The following NKAIN2 variants were observed in gnomAD, a reference collection of about 807,000 sequenced individuals.
The protein encoded by NKAIN2 is sodium/potassium-transporting ATPase subunit beta-1-interacting protein 2.
NKAIN2 carries 14 observed loss-of-function variants against 32.6 expected under a neutral mutation model. That is an observed-to-expected ratio of 0.43 (90% confidence interval 0.28 to 0.67). The LOEUF (loss-of-function observed/expected upper bound fraction) is 0.67, where lower values mean the gene tolerates loss of function less well. NKAIN2 is among the 30% of genes least tolerant of loss of function. The pLI, the probability that NKAIN2 is intolerant of heterozygous loss-of-function variation, is 0.17. For synonymous variants in NKAIN2, 80 were observed against 87.2 expected (o/e 0.92, Z 0.46); for missense variants, 198 against 258.3 (o/e 0.77, Z 1.60).
chr6:123,931,626 A>AT (rs201361587), intron 1 of NKAIN2, among the ~76,000 whole-genome samples: 6 of 151,854 alleles, frequency 4.0e-5, no homozygotes, highest in African/African-American at 1.2e-4. Context: ...ATGCTTCATC[A>AT]TTTTTTTTCT....
chr6:124,477,435 C>T (rs573475908), intron 3 of NKAIN2, among the ~76,000 whole-genome samples: 5 of 152,218 alleles, frequency 3.3e-5, no homozygotes, highest in South Asian at 2.1e-4. Flanking sequence ...TGCCTCTTCA[C>T]GTCCTCTTAG....
intron 1 of NKAIN2, among the ~76,000 whole-genome samples, chr6:123,918,947 GAA>G (rs1412724468): frequency 6.6e-6 from 1 of 151,944 alleles, no homozygotes; most frequent in East Asian, 1.9e-4. Context: ...TTGAGCAATT[GAA>G]ATTCTGCTAG....
chr6:124,312,206 G>A (rs566246251), intron 2 of NKAIN2, among the ~76,000 whole-genome samples: 3 of 152,242 alleles, frequency 2.0e-5, no homozygotes, highest in African/African-American at 7.2e-5. Flanking sequence ...ACAACAATCA[G>A]CATTGAAGAC....
intron 3 of NKAIN2, among the ~76,000 whole-genome samples, chr6:124,536,158 C>T (rs761880565): frequency 6.6e-6 from 1 of 152,170 alleles, no homozygotes; most frequent in Non-Finnish European, 1.5e-5. Context: ...ACACAAGAAA[C>T]ACATAACAGG....
At chr6:124,181,822 A>G (rs1316081226) in intron 1 of NKAIN2, among the ~76,000 whole-genome samples, 3 of 152,198 alleles carry the variant, frequency 2.0e-5, no homozygotes, top group Admixed American at 2.0e-4. Context: ...AAGCCATTCA[A>G]CAAGTCTCTA....
chr6:124,790,184 C>A (rs79885416), intron 4 of NKAIN2, among the ~76,000 whole-genome samples: 2,768 of 152,178 alleles, frequency 0.018, 72 homozygotes, highest in African/African-American at 0.062. Flanking sequence ...TTAAAAGTTT[C>A]TTTTCACCAG....
intron 1 of NKAIN2, among the ~76,000 whole-genome samples, chr6:123,869,529 C>A (rs1772759048): frequency 1.3e-5 from 2 of 152,272 alleles, no homozygotes; most frequent in East Asian, 3.9e-4. Context: ...AATAAGAACA[C>A]CATGATTCGC....
chr6:124,810,532 T>C (rs902290822), intron 5 of NKAIN2, among the ~76,000 whole-genome samples: 1 of 152,098 alleles, frequency 6.6e-6, no homozygotes, highest in African/African-American at 2.4e-5. Context: ...TACCTAATGC[T>C]AGATGACAAG....
chr6:124,699,354 G>A (rs1268282291), intron 4 of NKAIN2, among the ~76,000 whole-genome samples: 1 of 152,188 alleles, frequency 6.6e-6, no homozygotes, highest in Non-Finnish European at 1.5e-5. Context: ...GGAGGGGGAC[G>A]GCAACCCAGG....
At chr6:124,537,527 AAC>A (rs1336877372) in intron 3 of NKAIN2, among the ~76,000 whole-genome samples, 2 of 152,334 alleles carry the variant, frequency 1.3e-5, no homozygotes, top group Non-Finnish European at 2.9e-5. Context: ...TATTTTTATA[AAC>A]ACACACAGTA....
intron 1 of NKAIN2, among the ~76,000 whole-genome samples, chr6:124,039,486 A>G (rs114990005): frequency 0.017 from 2,575 of 152,038 alleles, 70 homozygotes; most frequent in African/African-American, 0.058. Context: ...CATGTAGACT[A>G]CAGAAATTTC....
At chr6:124,614,744 T>C (rs17708334) in intron 3 of NKAIN2, among the ~76,000 whole-genome samples, 13,883 of 152,104 alleles carry the variant, frequency 0.091, 669 homozygotes, top group South Asian at 0.2. Context: ...GATTTGCATT[T>C]CTAACAGCCT....
intron 3 of NKAIN2, among the ~76,000 whole-genome samples, chr6:124,497,791 TCA>T (rs1315486510): frequency 7.1e-6 from 1 of 140,808 alleles, no homozygotes; most frequent in Non-Finnish European, 1.5e-5. Context: ...TTTTCAAATT[TCA>T]CAGTTTTAGA....
At chr6:124,611,705 C>CTGTG (rs375167397) in intron 3 of NKAIN2, among the ~76,000 whole-genome samples, 1 of 151,822 alleles carries the variant, frequency 6.6e-6, no homozygotes, top group Non-Finnish European at 1.5e-5. Flanking sequence ...ATAGTTGTTA[C>CTGTG]TGTGTGTGTG....
chr6:124,725,891 T>C (rs1348942167), intron 4 of NKAIN2, among the ~76,000 whole-genome samples: 1 of 152,222 alleles, frequency 6.6e-6, no homozygotes, highest in African/African-American at 2.4e-5. Context: ...ATTGCCTCAC[T>C]TGGGAAGCGC....
chr6:124,801,029 C>G (rs191952177), intron 5 of NKAIN2, among the ~76,000 whole-genome samples: 3 of 152,182 alleles, frequency 2.0e-5, no homozygotes, highest in African/African-American at 4.8e-5. Flanking sequence ...CATACACCTT[C>G]ACCACTGAAT....
intron 1 of NKAIN2, among the ~76,000 whole-genome samples, chr6:124,047,595 T>C (rs546072338): frequency 6.6e-6 from 1 of 152,006 alleles, no homozygotes; most frequent in East Asian, 1.9e-4. Context: ...TTTCAGAGCC[T>C]GTGCTGTAAA....
At chr6:124,518,116 TA>T (rs972871388) in intron 3 of NKAIN2, among the ~76,000 whole-genome samples, 4 of 151,926 alleles carry the variant, frequency 2.6e-5, no homozygotes, top group African/African-American at 9.7e-5. Context: ...TAAGATTTTT[TA>T]AAAAAAGGAA....
chr6:123,957,948 G>C (rs1582841931), intron 1 of NKAIN2, among the ~76,000 whole-genome samples: 1 of 152,092 alleles, frequency 6.6e-6, no homozygotes, highest in East Asian at 1.9e-4. Flanking sequence ...TTATGGTTAG[G>C]TTGGATTGAC....
Sources: gnomAD v4.1 joint callset for allele counts (sites outside exome capture counted in the v4.1 genomes callset) on GRCh38, gnomAD v4.1.1 for gene constraint, MANE v1.5 for transcripts, NCBI Gene and HGNC (gene_info 2026-07-23, HGNC 2026-07-21) for gene names.